INVS: variants seen among roughly 807,000 people sequenced by gnomAD.
INVS encodes inversion of embryo turning homolog.
A neutral mutation model predicts 108.8 loss-of-function variants in INVS; 86 were observed. The ratio of observed to expected loss-of-function variants is 0.79; its 90% CI spans 0.66 to 0.95. The LOEUF is 0.95. Among genes scored for constraint, INVS ranks in the 40% least tolerant of loss-of-function variants. The pLI, the probability that INVS is intolerant of heterozygous loss-of-function variation, is 0.00. For missense variants in INVS, 1,169 were observed against 1,297.4 expected, an observed-to-expected ratio of 0.90 and a Z score of 1.52; for synonymous variants, 455 against 473.5, an observed-to-expected ratio of 0.96 and a Z score of 0.51.
At chr9:100,203,115 T>TA (rs1245454497) in intron 3 of INVS, among the ~76,000 whole-genome samples, 6 of 152,220 alleles carry the variant, frequency 3.9e-5, no homozygotes, top group Non-Finnish European at 5.9e-5. Context: ...AAGTCCAACA[T>TA]ACATTTGATG....
intron 2 of INVS, among the ~76,000 whole-genome samples, 198 bp downstream of exon 2, chr9:100,104,825 G>T (rs1465245060): frequency 1.3e-5 from 2 of 152,162 alleles, no homozygotes; most frequent in Non-Finnish European, 2.9e-5. Flanking sequence ...TAGGTGAAAA[G>T]TACTTGAGAA....
At chr9:100,268,242 T>C (rs140626188) in intron 11 of INVS, among the ~76,000 whole-genome samples, 31 of 152,226 alleles carry the variant, frequency 2.0e-4, no homozygotes, top group African/African-American at 7.2e-4. Context: ...AAAAAAAGAT[T>C]ATGGGGAGAT....
intron 5 of INVS, among the ~76,000 whole-genome samples, chr9:100,233,330 G>A (rs1831572293): frequency 1.3e-5 from 2 of 152,154 alleles, no homozygotes; most frequent in Non-Finnish European, 2.9e-5. Flanking sequence ...GAGACAATTT[G>A]ACTTCCTCTC....
intron 3 of INVS, among the ~76,000 whole-genome samples, chr9:100,163,467 G>A (rs1440393117): frequency 6.6e-6 from 1 of 151,992 alleles, no homozygotes; most frequent in African/African-American, 2.4e-5. Flanking sequence ...TATATATGTG[G>A]GATATAGCAG....
chr9:100,218,198 AT>A (rs1243164232), intron 3 of INVS, among the ~76,000 whole-genome samples: 1 of 152,228 alleles, frequency 6.6e-6, no homozygotes, highest in African/African-American at 2.4e-5. Flanking sequence ...GAACAAAAAA[AT>A]ATAGTGAACA....
chr9:100,252,133 A>T (rs543051666), intron 8 of INVS, 150 bp from the exon 9 acceptor site: 32 of 910,880 alleles, frequency 3.5e-5, no homozygotes, highest in Non-Finnish European at 5.3e-5. Flanking sequence ...GCAGAATCTA[A>T]AAAAGCAAAA....
intron 3 of INVS, among the ~76,000 whole-genome samples, chr9:100,155,435 C>T (rs1157222823): frequency 2.0e-5 from 3 of 152,180 alleles, no homozygotes; most frequent in Non-Finnish European, 4.4e-5. Flanking sequence ...CTCCCAGGAT[C>T]AAGTGATTCT....
intron 3 of INVS, among the ~76,000 whole-genome samples, chr9:100,128,228 T>C (rs1347707451): frequency 6.6e-6 from 1 of 152,190 alleles, no homozygotes; most frequent in African/African-American, 2.4e-5. Flanking sequence ...GTTTTTTTGT[T>C]TCTACTTTGA....
intron 6 of INVS, among the ~76,000 whole-genome samples, chr9:100,241,303 T>A (rs901101990): frequency 2.0e-5 from 3 of 152,224 alleles, no homozygotes; most frequent in African/African-American, 7.2e-5. Flanking sequence ...TTTTGTTCTA[T>A]AAGTTTTGCT....
chr9:100,172,341 T>C (rs1829566965), intron 3 of INVS, among the ~76,000 whole-genome samples: 1 of 152,206 alleles, frequency 6.6e-6, no homozygotes, highest in Non-Finnish European at 1.5e-5. Context: ...AAATAGGTGC[T>C]AAATAAATAC....
At chr9:100,265,678 G>A (rs898847813) in intron 11 of INVS, among the ~76,000 whole-genome samples, 1 of 152,158 alleles carries the variant, frequency 6.6e-6, no homozygotes, top group African/African-American at 2.4e-5. Flanking sequence ...ATAAGGAGAA[G>A]CTAAGATGAA....
chr9:100,217,734 G>C (rs1448877718), intron 3 of INVS, among the ~76,000 whole-genome samples: 2 of 152,156 alleles, frequency 1.3e-5, no homozygotes, highest in Non-Finnish European at 2.9e-5. Context: ...CCCCACTCTG[G>C]AAAATGGTCC....
At chr9:100,196,157 C>T (rs1402974763) in intron 3 of INVS, among the ~76,000 whole-genome samples, 1 of 152,110 alleles carries the variant, frequency 6.6e-6, no homozygotes, top group African/African-American at 2.4e-5. Flanking sequence ...GGTGTTTTGG[C>T]AACAAACCTA....
At chr9:100,129,952 T>C (rs1193157616) in intron 3 of INVS, 1 of 415,100 alleles carries the variant, frequency 2.4e-6, no homozygotes, top group Non-Finnish European at 4.4e-6. Context: ...GGATACAAAT[T>C]CCTCACAAGT....
chr9:100,247,268 G>C (rs190804880), intron 8 of INVS, among the ~76,000 whole-genome samples: 1 of 152,154 alleles, frequency 6.6e-6, no homozygotes, highest in East Asian at 1.9e-4. Context: ...CATTTTTAGA[G>C]AGAACCTCCC....
At chr9:100,189,341 T>C (rs1055818851) in intron 3 of INVS, among the ~76,000 whole-genome samples, 3 of 151,976 alleles carry the variant, frequency 2.0e-5, no homozygotes, top group Non-Finnish European at 4.4e-5. Context: ...TGTCAATTTG[T>C]GATCTTTCAG....
intron 3 of INVS, among the ~76,000 whole-genome samples, chr9:100,145,748 C>A (rs1008136380): frequency 2.0e-5 from 3 of 152,116 alleles, no homozygotes; most frequent in Non-Finnish European, 4.4e-5. Flanking sequence ...GTCGTCCCCA[C>A]GTGATTAAAC....
At chr9:100,124,051 C>T (rs982741838) in intron 2 of INVS, among the ~76,000 whole-genome samples, 6 of 152,172 alleles carry the variant, frequency 3.9e-5, no homozygotes, top group South Asian at 2.1e-4. Flanking sequence ...TCAAGTGATC[C>T]GCCCACCTCA....
intron 12 of INVS, among the ~76,000 whole-genome samples, chr9:100,278,867 C>T (rs1338123): frequency 6.6e-6 from 1 of 151,998 alleles, no homozygotes; most frequent in Admixed American, 6.5e-5. Context: ...GAATATTGGT[C>T]ATGAGAAAAT....
Sources: gnomAD v4.1 joint callset for allele counts (sites outside exome capture counted in the v4.1 genomes callset) on GRCh38, gnomAD v4.1.1 for gene constraint, MANE v1.5 for transcripts, NCBI Gene and HGNC (gene_info 2026-07-23, HGNC 2026-07-21) for gene names.